BTBD9: variants seen among roughly 807,000 people sequenced by gnomAD.
BTBD9 encodes the protein BTB/POZ domain-containing protein 9.
Under a neutral mutation model 64.3 loss-of-function variants are expected in BTBD9, and 49 were observed. The ratio of observed to expected loss-of-function variants is 0.76; its 90% CI spans 0.61 to 0.97. The LOEUF (loss-of-function observed/expected upper bound fraction) is 0.97. Among genes scored for constraint, BTBD9 ranks in the 50% least tolerant of loss-of-function variants. The pLI, the probability that BTBD9 is intolerant of heterozygous loss-of-function variation, is 0.00. For synonymous variants in BTBD9, 260 were observed against 274.7 expected, an observed-to-expected ratio of 0.95 and a Z score of 0.53; for missense variants, 598 against 762.1, an observed-to-expected ratio of 0.78 and a Z score of 2.53.
intron 6 of BTBD9, among the ~76,000 whole-genome samples, chr6:38,569,783 T>G (rs1389623839): frequency 6.6e-6 from 1 of 152,088 alleles, no homozygotes; most frequent in Non-Finnish European, 1.5e-5. Flanking sequence ...TGGCGGGGTT[T>G]TGGGGGATTT....
intron 6 of BTBD9, among the ~76,000 whole-genome samples, chr6:38,383,058 A>G (rs549325949): frequency 6.6e-6 from 1 of 152,198 alleles, no homozygotes; most frequent in Non-Finnish European, 1.5e-5. Context: ...CAACCTGAAA[A>G]CAAAATTAGA....
chr6:38,616,377 C>T (rs1265468245), intron 1 of BTBD9, among the ~76,000 whole-genome samples: 4 of 152,140 alleles, frequency 2.6e-5, no homozygotes, highest in African/African-American at 9.7e-5. Flanking sequence ...AGACCCAACG[C>T]CTACTTTTTA....
chr6:38,589,231 T>G (rs998151176), intron 4 of BTBD9, among the ~76,000 whole-genome samples: 5 of 152,204 alleles, frequency 3.3e-5, no homozygotes, highest in Admixed American at 3.3e-4. Flanking sequence ...AGTTCTCCCT[T>G]TCGCAACTCA....
At chr6:38,323,009 A>C (rs990552616) in intron 7 of BTBD9, among the ~76,000 whole-genome samples, 1 of 152,220 alleles carries the variant, frequency 6.6e-6, no homozygotes, top group Non-Finnish European at 1.5e-5. Context: ...GAAGAAGGGG[A>C]GATGTCTGAA....
chr6:38,296,231 T>C (rs924503813), intron 7 of BTBD9, among the ~76,000 whole-genome samples: 13 of 152,192 alleles, frequency 8.5e-5, no homozygotes, highest in African/African-American at 2.4e-4. Flanking sequence ...CATATATTCT[T>C]GGCCCTTTCA....
intron 9 of BTBD9, among the ~76,000 whole-genome samples, chr6:38,198,811 T>G (rs1762356640): frequency 6.6e-6 from 1 of 151,478 alleles, no homozygotes; most frequent in South Asian, 2.1e-4. Flanking sequence ...TGTTATATAT[T>G]AATTAATTAA....
At chr6:38,204,161 G>A (rs1490350403) in intron 9 of BTBD9, among the ~76,000 whole-genome samples, 3 of 152,118 alleles carry the variant, frequency 2.0e-5, no homozygotes, top group African/African-American at 7.2e-5. Flanking sequence ...AAAACAACCT[G>A]GCAGTTCCTC....
intron 7 of BTBD9, among the ~76,000 whole-genome samples, chr6:38,293,946 T>G (rs1457671072): frequency 6.6e-6 from 1 of 151,890 alleles, no homozygotes; most frequent in Non-Finnish European, 1.5e-5. Context: ...ATATCCAGAA[T>G]CTACAAGGAA....
intron 7 of BTBD9, among the ~76,000 whole-genome samples, chr6:38,314,859 T>C (rs1762975660): frequency 6.6e-6 from 1 of 152,184 alleles, no homozygotes; most frequent in South Asian, 2.1e-4. Context: ...AATTAATTTA[T>C]TTATTTTTGA....
chr6:38,580,331 A>G lies in BTBD9; in HGVS notation c.921T>C (p.His307=), dbSNP rs770621873. 4 of 1,614,120 alleles carry G rather than the reference A, an allele frequency of 2.5e-6. No individual in the cohort carries two copies. The African/African-American group carries it at 4.0e-5, about 16-fold the overall frequency. ...CATCAATTGGGTGCCTTGAAAATCC[A>G]TGATCCAAATCATAATTTTGAGTAT... is the stretch of plus-strand genomic sequence containing the variant. The part of the protein sequence containing the change: ...DGDTQNYDLD[H]GFSRHPIDDD... Residue 307 remains histidine, a synonymous_variant, in exon 5 of 11, where the codon CAT becomes CAC. Transcript: ENST00000481247.
chr6:38,556,565 G>C (rs962025516), intron 6 of BTBD9, among the ~76,000 whole-genome samples: 5 of 151,402 alleles, frequency 3.3e-5, no homozygotes, highest in African/African-American at 7.3e-5. Context: ...GAGAGAGAGA[G>C]AGAGAGAGAG....
chr6:38,181,051 C>G (rs1296828741), intron 10 of BTBD9, among the ~76,000 whole-genome samples: 1 of 152,232 alleles, frequency 6.6e-6, no homozygotes, highest in African/African-American at 2.4e-5. Context: ...GGTGACCAGG[C>G]TAATTCCTCA....
At chr6:38,238,515 C>T (rs973439663) in intron 9 of BTBD9, among the ~76,000 whole-genome samples, 3 of 148,896 alleles carry the variant, frequency 2.0e-5, no homozygotes, top group Admixed American at 2.0e-4. Flanking sequence ...CTCTGTCGCC[C>T]AGGCTGGAGT....
chr6:38,400,841 T>C lies in BTBD9; in HGVS notation c.1155-55748A>G, dbSNP rs529056497. 2.0e-4 allele frequency among the ~76,000 whole-genome samples: 30 copies of C among 152,312 alleles called. No homozygotes were observed. In the South Asian group the frequency reaches 5.6e-3, roughly 28 times the overall value. The stretch of plus-strand genomic sequence containing the variant: ...TTTGTGCCTGGTCTAGGTTAGGAAT[T>C]CTCATGTGTACTATTTATTTAAGTT... On this transcript the variant is annotated intron_variant, in intron 6 of 10. Coordinates refer to ENST00000481247, the MANE Select transcript of BTBD9 (RefSeq NM_001099272.2).
chr6:38,420,979 TA>T (rs987407590), intron 6 of BTBD9, among the ~76,000 whole-genome samples: 1 of 152,134 alleles, frequency 6.6e-6, no homozygotes, highest in African/African-American at 2.4e-5. Flanking sequence ...TCAAATACAG[TA>T]AAAAAAGTTA....
intron 7 of BTBD9, among the ~76,000 whole-genome samples, chr6:38,325,986 C>T (rs917673810): frequency 6.6e-6 from 1 of 151,844 alleles, no homozygotes; most frequent in African/African-American, 2.4e-5. Flanking sequence ...TGTATAGTTA[C>T]AAATGAAACT....
At chr6:38,600,855 A>G (rs1025893901) in intron 1 of BTBD9, among the ~76,000 whole-genome samples, 2 of 152,198 alleles carry the variant, frequency 1.3e-5, no homozygotes, top group African/African-American at 4.8e-5. Flanking sequence ...TTCTCAATAC[A>G]TCTAATTTCA....
intron 9 of BTBD9, among the ~76,000 whole-genome samples, chr6:38,223,877 T>G (rs1200463021): frequency 1.3e-5 from 2 of 152,174 alleles, no homozygotes; most frequent in Non-Finnish European, 2.9e-5. Context: ...CTAGGTTTAC[T>G]TCTTTCTATA....
chr6:38,593,846 A>T, intron 3 of BTBD9, 118 bp downstream of exon 3: 1 of 933,256 alleles, frequency 1.1e-6, no homozygotes, highest in Non-Finnish European at 1.6e-6. Flanking sequence ...ATAACCAATG[A>T]TAACGCTTTG....
Sources: allele counts gnomAD v4.1 joint callset (sites outside exome capture counted in the v4.1 genomes callset), GRCh38; gene constraint gnomAD v4.1.1; transcripts MANE v1.5; gene names NCBI Gene and HGNC (gene_info 2026-07-23, HGNC 2026-07-21).